SLC35D2: variants seen among roughly 807,000 people sequenced by gnomAD.
SLC35D2 encodes the protein solute carrier family 35 member D2, also known as nucleotide sugar transporter SLC35D2.
A neutral mutation model predicts 41.8 loss-of-function variants in SLC35D2; 43 were observed. The observed-to-expected ratio is 1.03, with a 90% confidence interval of 0.81 to 1.33. The LOEUF (loss-of-function observed/expected upper bound fraction) is 1.33. Ranked by LOEUF, SLC35D2 falls within the 40% of genes most tolerant of loss-of-function variation. The pLI, the probability that SLC35D2 is intolerant of heterozygous loss-of-function variation, is 0.00. For missense variants in SLC35D2, 380 were observed against 408.4 expected (o/e 0.93, Z 0.60); for synonymous variants, 150 against 163.9 (o/e 0.92, Z 0.65).
chr9:96,377,512 C>T (rs571645790), intron 1 of SLC35D2, among the ~76,000 whole-genome samples: 2 of 152,320 alleles, frequency 1.3e-5, no homozygotes, highest in Admixed American at 6.5e-5. Flanking sequence ...AGCAAAACCT[C>T]GAACCTTCTC....
At chr9:96,317,569 G>A (rs894374698), downstream of SLC35D2, among the ~76,000 whole-genome samples, 7 of 152,020 alleles carry the variant, frequency 4.6e-5, no homozygotes, top group African/African-American at 9.7e-5. Context: ...GGAAGCAAGT[G>A]TAAAAGTCTT....
rs757366425 is a variant in SLC35D2, at chr9:96,348,900, A to G, written c.488+2203T>C. 5.1e-4 allele frequency among the ~76,000 whole-genome samples: 78 copies of G among 152,344 alleles called. 1 individual carries two copies. Among genetic ancestry groups the G allele is most frequent in the Non-Finnish European group, 2.6e-4 (18 of 68,034 alleles). On this transcript the variant is annotated intron_variant, in intron 6 of 11. Transcript: ENST00000253270. ...GGTAACTGAAGGGCCATTCCTCACCAAAGACTTACCACAGTTTTATAAACC... is the reference window on the plus strand; with the variant it reads ...GGTAACTGAAGGGCCATTCCTCACCGAAGACTTACCACAGTTTTATAAACC...
chr9:96,348,566 A>G (rs140725964), intron 6 of SLC35D2, among the ~76,000 whole-genome samples: 1 of 152,244 alleles, frequency 6.6e-6, no homozygotes, highest in Non-Finnish European at 1.5e-5. Context: ...TTGCATCTGG[A>G]TGTGCTAATG....
intron 1 of SLC35D2, among the ~76,000 whole-genome samples, 180 bp downstream of exon 1, chr9:96,383,297 G>T: frequency 6.6e-6 from 1 of 152,274 alleles, no homozygotes; most frequent in South Asian, 2.1e-4. Context: ...TCAGGTTGTG[G>T]CCTGAGTGTA....
At chr9:96,382,496 C>CACTCTCTATATATATATATA (rs200897475) in intron 1 of SLC35D2, among the ~76,000 whole-genome samples, 3 of 127,914 alleles carry the variant, frequency 2.3e-5, no homozygotes, top group African/African-American at 8.8e-5. Context: ...CACACACACA[C>CACTCTCTATATATATATATA]TATATATATA....
intron 11 of SLC35D2, 52 bp downstream of exon 11, chr9:96,321,946 T>C (rs1828251134): frequency 4.0e-6 from 4 of 1,005,840 alleles, no homozygotes; most frequent in African/African-American, 1.6e-5. Flanking sequence ...TTAATCAGAG[T>C]GTTTAAGGTT....
intron 8 of SLC35D2, among the ~76,000 whole-genome samples, chr9:96,342,732 C>T (rs1829391847): frequency 6.6e-6 from 1 of 152,170 alleles, no homozygotes; most frequent in Non-Finnish European, 1.5e-5. Flanking sequence ...AGCCCTTCTG[C>T]TGATCCCTCC....
chr9:96,337,292 A>T (rs1193855062), intron 8 of SLC35D2, among the ~76,000 whole-genome samples: 1 of 151,952 alleles, frequency 6.6e-6, no homozygotes, highest in African/African-American at 2.4e-5. Context: ...GGCTCACTGC[A>T]GCCTCTACCT....
intron 1 of SLC35D2, among the ~76,000 whole-genome samples, chr9:96,372,621 G>A (rs1314609221): frequency 9.7e-5 from 10 of 103,210 alleles, no homozygotes; most frequent in Non-Finnish European, 1.7e-4. Flanking sequence ...ATCTCACTCT[G>A]TTGCCCAGGC....
At chr9:96,331,819 T>C (rs1460145754) in intron 9 of SLC35D2, among the ~76,000 whole-genome samples, 6 of 152,208 alleles carry the variant, frequency 3.9e-5, no homozygotes, top group African/African-American at 1.4e-4. Context: ...AGATCAGTGA[T>C]GGCATTAGGT....
At chr9:96,383,055 C>T (rs1049555130) in intron 1 of SLC35D2, among the ~76,000 whole-genome samples, 30 of 152,210 alleles carry the variant, frequency 2.0e-4, no homozygotes, top group African/African-American at 7.2e-4. Flanking sequence ...TTTCCATGAA[C>T]ACGCTGGTCA....
At chr9:96,324,970 C>T (rs1279903946) in intron 9 of SLC35D2, among the ~76,000 whole-genome samples, 4 of 152,212 alleles carry the variant, frequency 2.6e-5, no homozygotes, top group Non-Finnish European at 1.5e-5. Context: ...TGATTCTGAT[C>T]TGTAGCCAGA....
chr9:96,380,444 T>G (rs911556591), intron 1 of SLC35D2, among the ~76,000 whole-genome samples: 6 of 151,694 alleles, frequency 4.0e-5, no homozygotes, highest in African/African-American at 1.5e-4. Flanking sequence ...AATAGCATTT[T>G]CATTTTCTGG....
At chr9:96,321,481 G>A (rs1454087529) in intron 11 of SLC35D2, 140 bp from the exon 12 acceptor site, 6 of 630,764 alleles carry the variant, frequency 9.5e-6, no homozygotes, top group African/African-American at 1.8e-5. Context: ...TCAAGTTTGT[G>A]GATTGCTTGA....
At chr9:96,377,816 G>T (rs918271821) in intron 1 of SLC35D2, among the ~76,000 whole-genome samples, 2 of 152,164 alleles carry the variant, frequency 1.3e-5, no homozygotes, top group Non-Finnish European at 2.9e-5. Context: ...GTCACCAGAA[G>T]CTCAGGCAGC....
intron 11 of SLC35D2, among the ~76,000 whole-genome samples, chr9:96,321,758 G>A (rs112572942): frequency 1.8e-4 from 27 of 152,302 alleles, no homozygotes; most frequent in African/African-American, 6.0e-4. Flanking sequence ...CCTGCTGTGA[G>A]GAAGACAGGT....
At chr9:96,366,097 G>A (rs1830462073) in intron 2 of SLC35D2, among the ~76,000 whole-genome samples, 1 of 152,090 alleles carries the variant, frequency 6.6e-6, no homozygotes, top group African/African-American at 2.4e-5. Flanking sequence ...GAGCCCAGAA[G>A]TTCAAGACCA....
At chr9:96,368,192 G>C in intron 2 of SLC35D2, 80 bp downstream of exon 2, 1 of 1,188,672 alleles carries the variant, frequency 8.4e-7, no homozygotes, top group Non-Finnish European at 1.2e-6. Context: ...GCAAACCACA[G>C]CTTTAAACAA....
intron 9 of SLC35D2, among the ~76,000 whole-genome samples, chr9:96,326,678 G>T (rs906565995): frequency 1.3e-5 from 2 of 151,832 alleles, no homozygotes; most frequent in Non-Finnish European, 2.9e-5. Context: ...GGTGGCATGC[G>T]CCTGTAATCC....
Sources: gnomAD v4.1 joint callset for allele counts (sites outside exome capture counted in the v4.1 genomes callset) on GRCh38, gnomAD v4.1.1 for gene constraint, MANE v1.5 for transcripts, NCBI Gene and HGNC (gene_info 2026-07-23, HGNC 2026-07-21) for gene names.